Variants in VPS13C observed in about 807,000 individuals in gnomAD.
VPS13C encodes intermembrane lipid transfer protein VPS13C.
Under a neutral mutation model 456.8 loss-of-function variants are expected in VPS13C, and 358 were observed. The observed-to-expected ratio is 0.78, with a 90% CI of 0.72 to 0.86. VPS13C has a LOEUF of 0.86. Ranked by LOEUF, VPS13C falls within the 40% of genes least tolerant of loss-of-function variation. The probability of loss-of-function intolerance (pLI) is 0.00; values close to 1 mark genes in which losing one functional copy is unlikely to be tolerated. For synonymous variants in VPS13C, 1,578 were observed against 1,486.7 expected (o/e 1.06, Z -1.41); for missense variants, 4,818 against 4,385.4 (o/e 1.10, Z -2.79).
intron 34 of VPS13C, 123 bp downstream of exon 34, chr15:61,962,248 G>A (rs919027679): frequency 3.0e-5 from 25 of 834,006 alleles, no homozygotes; most frequent in African/African-American, 1.9e-4. Context: ...CTACATTCAC[G>A]CATAAATATA....
At chr15:61,912,113 C>A in intron 62 of VPS13C, 109 bp from the exon 63 acceptor site, 1 of 1,004,140 alleles carries the variant, frequency 1.0e-6, no homozygotes, top group Non-Finnish European at 1.3e-6. Flanking sequence ...AATAATAATT[C>A]TTAAATAAAG....
intron 45 of VPS13C, among the ~76,000 whole-genome samples, chr15:61,944,185 A>G (rs1010180031): frequency 2.0e-5 from 3 of 152,006 alleles, no homozygotes; most frequent in African/African-American, 7.2e-5. Context: ...TTACATAACT[A>G]TTCATGCAAA....
chr15:61,895,845 A>C (rs1236590306), intron 66 of VPS13C, among the ~76,000 whole-genome samples: 1 of 152,150 alleles, frequency 6.6e-6, no homozygotes, highest in Non-Finnish European at 1.5e-5. Flanking sequence ...TTCTTAAAGG[A>C]GATACAAAAT....
chr15:61,899,538 T>C (rs2042933969), intron 66 of VPS13C, among the ~76,000 whole-genome samples: 1 of 151,506 alleles, frequency 6.6e-6, no homozygotes, highest in Non-Finnish European at 1.5e-5. Context: ...CCTCGACACA[T>C]ACACTCTCCC....
In VPS13C at chr15:61,927,237, C is replaced by A. The variant is rs1422739866; in HGVS notation, c.6370G>T (p.Asp2124Tyr). Residue 2124 changes from aspartate (D) to tyrosine (Y), a missense_variant, in exon 52 of 85, where the codon GAT (aspartate) becomes TAT (tyrosine). By Grantham distance (160) the Asp-to-Tyr change is radical. This residue lies in a region of VPS13C where 4,552 missense variants were observed against 4,130.6 expected (regional missense o/e 1.10). Transcript: ENST00000644861. ...VVFVASLTKA[D>Y]APALTASFQC... ...AACGAGGCTGTCAGAGCAGGAGCAT[C>A]AGCCTTTGTCAGGCTGGCAACAAAT... The A allele has an allele frequency of 1.9e-6, 3 of 1,614,188 alleles. No homozygotes were observed. Among genetic ancestry groups the A allele is most frequent in the Admixed American group, 3.3e-5 (2 of 60,024 alleles).
At chr15:61,918,014 T>C in intron 59 of VPS13C, 122 bp downstream of exon 59, 3 of 1,001,406 alleles carry the variant, frequency 3.0e-6, no homozygotes, top group Admixed American at 2.8e-5. Context: ...AATGGAAGAC[T>C]AAATTATGTC....
chr15:61,931,698 T>A (rs1221900907), intron 49 of VPS13C, among the ~76,000 whole-genome samples: 2 of 151,302 alleles, frequency 1.3e-5, no homozygotes, highest in Non-Finnish European at 2.9e-5. Context: ...CGCCTCAGCC[T>A]CCCGAGTAGC....
At chr15:61,945,647 T>C (rs2044578578) in intron 45 of VPS13C, 68 bp downstream of exon 45, 1 of 1,300,780 alleles carries the variant, frequency 7.7e-7, no homozygotes, top group Non-Finnish European at 1.0e-6. Flanking sequence ...TTTTACTATC[T>C]AGGTTCAGTT....
chr15:61,937,678 G>C, intron 47 of VPS13C, among the ~76,000 whole-genome samples: 1 of 152,140 alleles, frequency 6.6e-6, no homozygotes, highest in Non-Finnish European at 1.5e-5. Flanking sequence ...GTTTCACCAT[G>C]TTAGCCAGGA....
intron 66 of VPS13C, among the ~76,000 whole-genome samples, chr15:61,891,318 G>A (rs35559361): frequency 0.056 from 8,532 of 151,162 alleles, 309 homozygotes; most frequent in Non-Finnish European, 0.08. Flanking sequence ...CTTTCCAGGG[G>A]AGAAAAAAAA....
intron 16 of VPS13C, among the ~76,000 whole-genome samples, chr15:61,992,463 T>C (rs1321645661): frequency 6.6e-6 from 1 of 152,194 alleles, no homozygotes; most frequent in Non-Finnish European, 1.5e-5. Context: ...TTTCAATAAT[T>C]TTTCCACTTA....
At chr15:61,994,963 G>C (rs1416045495) in intron 16 of VPS13C, among the ~76,000 whole-genome samples, 1 of 152,112 alleles carries the variant, frequency 6.6e-6, no homozygotes, top group African/African-American at 2.4e-5. Flanking sequence ...TTTTTTTAAA[G>C]AAAGAAAAGC....
At chr15:62,028,922 T>C (rs1056156657) in intron 5 of VPS13C, among the ~76,000 whole-genome samples, 1 of 152,106 alleles carries the variant, frequency 6.6e-6, no homozygotes, top group Non-Finnish European at 1.5e-5. Context: ...CTACATAGCA[T>C]CTTCTACTTC....
chr15:61,934,693 C>G (rs549689446), intron 48 of VPS13C, among the ~76,000 whole-genome samples: 5 of 152,240 alleles, frequency 3.3e-5, no homozygotes, highest in Admixed American at 3.3e-4. Context: ...TTATATTAGA[C>G]AGCTAGTAAC....
At chr15:62,044,362 CAATGATAAACA>C (rs1406909299) in intron 1 of VPS13C, 107 bp from the exon 2 acceptor site, 3 of 621,502 alleles carry the variant, frequency 4.8e-6, no homozygotes, top group Non-Finnish European at 2.7e-6. Flanking sequence ...GCTAAGAATA[CAATGATAAACA>C]AAGGTGACTT....
intron 63 of VPS13C, among the ~76,000 whole-genome samples, chr15:61,910,647 T>C (rs895016859): frequency 1.3e-5 from 2 of 152,214 alleles, no homozygotes; most frequent in Non-Finnish European, 2.9e-5. Context: ...TGTATACCCA[T>C]TTTAATTCAT....
In VPS13C at chr15:61,911,834, T is replaced by C. The variant is rs1264561096; in HGVS notation, c.8715+6A>G. The C allele has an allele frequency of 6.3e-7, 1 of 1,584,866 alleles. No homozygotes were observed. On this transcript the variant is annotated splice_donor_region_variant and intron_variant, in intron 63 of 84. Coordinates refer to ENST00000644861, the MANE Select transcript of VPS13C (RefSeq NM_020821.3). Reference sequence around the variant, plus strand: ...AGGAATCAGTTGTAACAAAGAAAAATGCTACCTCTGAAGAAGCAATATAGT... The same window carrying C: ...AGGAATCAGTTGTAACAAAGAAAAACGCTACCTCTGAAGAAGCAATATAGT...
At chr15:61,934,106 AT>A (rs2044147602) in intron 49 of VPS13C, 112 bp downstream of exon 49, 1 of 562,248 alleles carries the variant, frequency 1.8e-6, no homozygotes, top group South Asian at 4.8e-5. Flanking sequence ...ATAGAATTTT[AT>A]AGACATATTA....
At chr15:61,908,751 G>T (rs1216532539) in intron 65 of VPS13C, among the ~76,000 whole-genome samples, 1 of 152,092 alleles carries the variant, frequency 6.6e-6, no homozygotes, top group Non-Finnish European at 1.5e-5. Context: ...GAATTGATAC[G>T]AAACTATTAA....
Sources: allele counts gnomAD v4.1 joint callset (sites outside exome capture counted in the v4.1 genomes callset), GRCh38; gene constraint gnomAD v4.1.1; regional missense constraint gnomAD v4.1.1; transcripts MANE v1.5; gene names NCBI Gene and HGNC (gene_info 2026-07-23, HGNC 2026-07-21).